The following USP10 variants were observed in gnomAD, a reference collection of about 807,000 sequenced individuals.
The protein encoded by USP10 is ubiquitin carboxyl-terminal hydrolase 10.
A neutral mutation model predicts 84.5 loss-of-function variants in USP10; 22 were observed. That is an observed-to-expected ratio of 0.26 (90% CI 0.19 to 0.37). The LOEUF (loss-of-function observed/expected upper bound fraction) is 0.37, where lower values mean the gene tolerates loss of function less well. USP10 is among the 10% of genes least tolerant of loss of function. The probability of loss-of-function intolerance (pLI) is 1.00; values close to 1 mark genes in which losing one functional copy is unlikely to be tolerated. For missense variants in USP10, 1,019 were observed against 998.9 expected, an observed-to-expected ratio of 1.02 and a Z score of -0.27; for synonymous variants, 454 against 387.6, an observed-to-expected ratio of 1.17 and a Z score of -2.01.
At chr16:84,713,050 G>GCAGC (rs1198199651) in intron 1 of USP10, among the ~76,000 whole-genome samples, 1 of 152,208 alleles carries the variant, frequency 6.6e-6, no homozygotes, top group East Asian at 1.9e-4. Flanking sequence ...GAACCATGGA[G>GCAGC]CAGCCAGCCT....
At chr16:84,703,582 C>G (rs934750992) in intron 1 of USP10, among the ~76,000 whole-genome samples, 1 of 152,320 alleles carries the variant, frequency 6.6e-6, no homozygotes, top group South Asian at 2.1e-4. Context: ...ATTAGAATCT[C>G]AAGTAATGAG....
At chr16:84,748,015 G>A (rs1044139448) in intron 4 of USP10, among the ~76,000 whole-genome samples, 3 of 151,488 alleles carry the variant, frequency 2.0e-5, no homozygotes, top group Admixed American at 6.6e-5. Flanking sequence ...TCAGCCAGGC[G>A]TGGTGGCGGG....
intron 4 of USP10, among the ~76,000 whole-genome samples, chr16:84,757,480 T>G (rs1297292352): frequency 6.6e-6 from 1 of 151,398 alleles, no homozygotes; most frequent in Non-Finnish European, 1.5e-5. Context: ...TTCATTTGAT[T>G]AGTGCCGAAG....
rs1293634008 is a variant in USP10 at position 84,758,775 on chromosome 16, A to C, written c.1252A>C (p.Ile418Leu). Residue 418 changes from isoleucine to leucine, a missense_variant, in exon 5 of 14, where the codon ATC (isoleucine) becomes CTC (leucine). By Grantham distance (5) the Ile-to-Leu change is conservative. Around this residue, in one of 2 missense-constraint regions of USP10, gnomAD observed 787 missense variants for 708.8 expected, o/e 1.11. Transcript: ENST00000219473. ...KPVSLQPRGLINKGNWCYINA... is the reference protein window; with the variant it reads ...KPVSLQPRGLLNKGNWCYINA... ...AGTGTCGTTGCAACCCCGTGGGCTG[A>C]TCAATAAAGGGAACTGGTGCTACAT... The C allele has an allele frequency of 1.2e-6, 2 of 1,613,854 alleles. No homozygotes were observed. The highest frequency in any genetic ancestry group is 1.7e-6 in the Non-Finnish European group (2 of 1,179,738).
At chr16:84,776,881 C>T (rs1915078934) in intron 13 of USP10, among the ~76,000 whole-genome samples, 1 of 152,292 alleles carries the variant, frequency 6.6e-6, no homozygotes, top group East Asian at 1.9e-4. Flanking sequence ...GGCACAGTCT[C>T]CATTCACTGC....
chr16:84,775,986 G>A (rs1914971496), intron 13 of USP10, among the ~76,000 whole-genome samples: 1 of 152,184 alleles, frequency 6.6e-6, no homozygotes. Context: ...TCTAGCTTCT[G>A]TGTCTTCCCT....
intron 1 of USP10, among the ~76,000 whole-genome samples, chr16:84,705,484 GCCTC>G (rs1420801343): frequency 1.3e-5 from 2 of 151,814 alleles, no homozygotes; most frequent in Non-Finnish European, 2.9e-5. Flanking sequence ...GCCCACCTCG[GCCTC>G]CCAAAGTGCT....
intron 3 of USP10, 25 bp downstream of exon 3, chr16:84,740,394 C>T: frequency 6.2e-7 from 1 of 1,605,320 alleles, no homozygotes; most frequent in Non-Finnish European, 8.5e-7. Flanking sequence ...TCCTTATTTC[C>T]CTGAAGGGAA....
intron 9 of USP10, among the ~76,000 whole-genome samples, chr16:84,763,316 C>T (rs916505240): frequency 6.6e-6 from 1 of 151,970 alleles, no homozygotes; most frequent in South Asian, 2.1e-4. Flanking sequence ...ATGATCAAGC[C>T]TATAAAAAAG....
At chr16:84,722,684 C>G (rs548143234) in intron 1 of USP10, among the ~76,000 whole-genome samples, 1 of 151,978 alleles carries the variant, frequency 6.6e-6, no homozygotes, top group Non-Finnish European at 1.5e-5. Context: ...GCTAGCCTCC[C>G]GAGTAGCTGG....
At chr16:84,714,680 A>C (rs1331269438) in intron 1 of USP10, among the ~76,000 whole-genome samples, 1 of 151,958 alleles carries the variant, frequency 6.6e-6, no homozygotes, top group Non-Finnish European at 1.5e-5. Flanking sequence ...TTTAGTTGTT[A>C]CTTGTGAATT....
At position 84,740,293 on chromosome 16, in the gene USP10, C is replaced by T. The variant is rs1411888934; in HGVS notation, c.91-16C>T. On this transcript the variant is annotated splice_polypyrimidine_tract_variant and intron_variant, in intron 2 of 13. Coordinates refer to ENST00000219473, the MANE Select transcript of USP10 (RefSeq NM_005153.3). ...ATTTTGTTGAATTAAAATTTGTTTT[C>T]TGATTCCTTGTGCAGCTTCCTCCAT... The T allele has an allele frequency of 6.2e-7, 1 of 1,602,148 alleles. No individual in the cohort carries two copies. Among genetic ancestry groups the T allele is most frequent in the Non-Finnish European group, 8.5e-7 (1 of 1,174,700 alleles).
chr16:84,766,333 G>A (rs1196226732), intron 10 of USP10, among the ~76,000 whole-genome samples: 3 of 151,968 alleles, frequency 2.0e-5, no homozygotes, highest in Non-Finnish European at 4.4e-5. Flanking sequence ...GTGCTCTGTG[G>A]AGTGTCCACG....
In USP10 at chr16:84,718,529, C is replaced by T. The variant is rs368552280; in HGVS notation, c.22-14906C>T. On this transcript the variant is annotated intron_variant, in intron 1 of 13. Coordinates refer to ENST00000219473, the MANE Select transcript of USP10 (RefSeq NM_005153.3). The stretch of plus-strand genomic sequence containing the variant: ...ATCCCAGCACTTTGGGAGGCCAAGG[C>T]GGGTGGATCACCTGTCAGGAGTTCA... Among the ~76,000 whole-genome samples, 5 of 152,170 alleles carry T rather than the reference C, an allele frequency of 3.3e-5. No homozygotes were observed. In the East Asian group the frequency reaches 5.8e-4, roughly 18 times the overall value.
At chr16:84,768,448 T>A in intron 11 of USP10, 90 bp downstream of exon 11, 1 of 1,286,408 alleles carries the variant, frequency 7.8e-7, no homozygotes, top group East Asian at 2.6e-5. Context: ...GAAATGGGTT[T>A]GAGTTATGCC....
At position 84,779,027 on chromosome 16, in the gene USP10, C is replaced by T. The variant is rs1272484170; in HGVS notation, c.2342C>T (p.Pro781Leu). The change falls in exon 14 of 14, where the codon CCA (proline) becomes CTA (leucine). Residue 781 changes from proline (P) to leucine (L), a missense_variant. By Grantham distance (98) the Pro-to-Leu change is moderately conservative. Around this residue, in one of 2 missense-constraint regions of USP10, gnomAD observed 232 missense variants for 290.1 expected, o/e 0.80. Transcript: ENST00000219473. Reference sequence around the variant, plus strand: ...ATCAACCAGTACCAGGTGGTGAAACCAACTGCTGAACGCACAGCCTACCTC... The same window carrying T: ...ATCAACCAGTACCAGGTGGTGAAACTAACTGCTGAACGCACAGCCTACCTC... ...KVINQYQVVKPTAERTAYLLY... is the reference protein window; with the variant it reads ...KVINQYQVVKLTAERTAYLLY... The T allele has an allele frequency of 1.2e-6, 2 of 1,613,994 alleles. No individual in the cohort carries two copies. Among genetic ancestry groups the T allele is most frequent in the Non-Finnish European group, 1.7e-6 (2 of 1,179,888 alleles).
At chr16:84,705,971 C>T (rs1232083112) in intron 1 of USP10, among the ~76,000 whole-genome samples, 1 of 152,020 alleles carries the variant, frequency 6.6e-6, no homozygotes, top group Non-Finnish European at 1.5e-5. Flanking sequence ...ATCCACCTAC[C>T]TTGGCCTCCC....
At chr16:84,761,803 C>A (rs1320453578) in intron 8 of USP10, among the ~76,000 whole-genome samples, 1 of 152,254 alleles carries the variant, frequency 6.6e-6, no homozygotes, top group East Asian at 1.9e-4. Context: ...AATCCAAATT[C>A]CCAGACACCA....
intron 4 of USP10, among the ~76,000 whole-genome samples, chr16:84,758,292 G>A (rs1055023368): frequency 4.6e-5 from 7 of 152,332 alleles, no homozygotes; most frequent in East Asian, 3.9e-4. Flanking sequence ...GGAATGAGAC[G>A]TGGGTTCTGC....
Sources: allele counts gnomAD v4.1 joint callset (sites outside exome capture counted in the v4.1 genomes callset), GRCh38; gene constraint gnomAD v4.1.1; regional missense constraint gnomAD v4.1.1; transcripts MANE v1.5; gene names NCBI Gene and HGNC (gene_info 2026-07-23, HGNC 2026-07-21).